The following MAP2K4 variants were observed in gnomAD, a reference collection of about 807,000 sequenced individuals.
The protein encoded by MAP2K4 is dual specificity mitogen-activated protein kinase kinase 4.
In MAP2K4, 4 loss-of-function variants were observed where a neutral mutation model predicts 48.5. The ratio of observed to expected loss-of-function variants is 0.08; its 90% confidence interval spans 0.04 to 0.19. The LOEUF (loss-of-function observed/expected upper bound fraction) is 0.19, where lower values mean the gene tolerates loss of function less well. MAP2K4 is among the 10% of genes least tolerant of loss of function. The pLI, the probability that MAP2K4 is intolerant of heterozygous loss-of-function variation, is 1.00. For synonymous variants in MAP2K4, 166 were observed against 173.1 expected, an observed-to-expected ratio of 0.96 and a Z score of 0.32; for missense variants, 258 against 493.3, an observed-to-expected ratio of 0.52 and a Z score of 4.52.
intron 7 of MAP2K4, among the ~76,000 whole-genome samples, chr17:12,119,345 C>A (rs2093354478): frequency 6.6e-6 from 1 of 152,126 alleles, no homozygotes; most frequent in African/African-American, 2.4e-5. Flanking sequence ...CGTGAACAGA[C>A]ACTTTTCAAA....
chr17:12,081,312 A>C lies in MAP2K4; in HGVS notation c.219-44A>C, dbSNP rs760685710. The C allele has an allele frequency of 3.3e-6, 5 of 1,511,380 alleles. No individual in the cohort carries two copies. In the East Asian group the frequency reaches 9.0e-5, roughly 27 times the overall value. The allele number at this position is 1,511,380 out of a possible 1,614,324, so 93.6% of individuals were successfully genotyped here. The stretch of plus-strand genomic sequence containing the variant: ...TCAGTACTAAAAGAAAAAAGTTAAA[A>C]CCTATTTAAAATGTGGAAAAATTGC... On this transcript the variant is annotated intron_variant, in intron 2 of 10. Transcript: ENST00000353533. This position sits in a 1 kb window ranked among gnomAD's most constrained non-coding sequence, Gnocchi z 4.2.
chr17:12,112,211 C>A (rs1391079996), intron 6 of MAP2K4, among the ~76,000 whole-genome samples: 2 of 152,220 alleles, frequency 1.3e-5, no homozygotes, highest in East Asian at 3.9e-4. Context: ...CACCTGTAAT[C>A]CCAGCACTTT....
chr17:12,063,201 C>T (rs373180879), intron 2 of MAP2K4, among the ~76,000 whole-genome samples: 2 of 152,116 alleles, frequency 1.3e-5, no homozygotes, highest in East Asian at 1.9e-4. Context: ...GGACTTAAAA[C>T]GACCTGATTT....
rs28990370 is a variant in MAP2K4, at chr17:12,138,447, ATATAT to A, written c.1041-1388_1041-1384del. ...TTAAGAAAATCATAAGGAAGAGAAA[ATATAT>A]TATTTATGAAGTGGAAGTGGATCAT... On this transcript the variant is annotated intron_variant, in intron 9 of 10. Transcript: ENST00000353533. Among the ~76,000 whole-genome samples the A allele has an allele frequency of 6.2e-3, 946 of 152,268 alleles. 2 individuals are homozygous for A. Among genetic ancestry groups the A allele is most frequent in the East Asian group, 0.036 (188 of 5,186 alleles).
intron 1 of MAP2K4, among the ~76,000 whole-genome samples, chr17:12,026,442 T>G (rs1969255051): frequency 6.6e-6 from 1 of 152,174 alleles, no homozygotes; most frequent in South Asian, 2.1e-4. Flanking sequence ...CCTGAGAAAC[T>G]TTAATTGAGG....
chr17:12,059,870 C>T (rs944377654), intron 2 of MAP2K4, among the ~76,000 whole-genome samples: 8 of 152,090 alleles, frequency 5.3e-5, no homozygotes, highest in Admixed American at 2.0e-4. Context: ...GTCTTATAAA[C>T]GTTGCTGTCT....
intron 2 of MAP2K4, among the ~76,000 whole-genome samples, chr17:12,055,376 T>A (rs1407860986): frequency 6.6e-6 from 1 of 152,104 alleles, no homozygotes; most frequent in African/African-American, 2.4e-5. Context: ...AGTGAAAATA[T>A]TAGAGCATCT....
chr17:12,112,027 A>G (rs1972323062), intron 6 of MAP2K4, among the ~76,000 whole-genome samples: 1 of 152,228 alleles, frequency 6.6e-6, no homozygotes, highest in Non-Finnish European at 1.5e-5. Context: ...CTCATTCACC[A>G]GAAGTGCCTC....
chr17:12,117,063 GT>G (rs1972525204), intron 7 of MAP2K4, among the ~76,000 whole-genome samples: 1 of 152,062 alleles, frequency 6.6e-6, no homozygotes. Flanking sequence ...CCAAAATGTT[GT>G]TTTGCAGCAC....
At chr17:12,097,374 T>G (rs909738597) in intron 4 of MAP2K4, among the ~76,000 whole-genome samples, 56 of 152,382 alleles carry the variant, frequency 3.7e-4, no homozygotes, top group African/African-American at 1.3e-3. Context: ...CATTTGTTCA[T>G]TTATTTAATC....
intron 9 of MAP2K4, among the ~76,000 whole-genome samples, chr17:12,130,827 A>G (rs566120600): frequency 6.6e-6 from 1 of 152,324 alleles, no homozygotes; most frequent in African/African-American, 2.4e-5. Context: ...CAGATTTCTC[A>G]TAATCCAATA....
At position 12,141,410 on chromosome 17, in the gene MAP2K4, G is replaced by A. The variant is rs1401809070; in HGVS notation, c.*150G>A. Reference sequence around the variant, plus strand: ...GTTTCCATCATGTCTGTATACTCCTGTCACCTAGAACGTGCATCCTTGTAA... The same window carrying A: ...GTTTCCATCATGTCTGTATACTCCTATCACCTAGAACGTGCATCCTTGTAA... On this transcript the variant is annotated 3_prime_UTR_variant, in exon 11 of 11. Transcript: ENST00000353533. 8 of 651,008 alleles carry A rather than the reference G, an allele frequency of 1.2e-5. No individual in the cohort carries two copies. The highest frequency in any genetic ancestry group is 2.2e-5 in the Non-Finnish European group (8 of 362,086). The allele number at this position is 651,008 out of a possible 1,614,324, so 40.3% of individuals were successfully genotyped here. A position where few individuals can be genotyped will look rare whatever the true frequency, so the allele number is the denominator to read the frequency against.
At chr17:12,136,174 G>T (rs1249514543) in intron 9 of MAP2K4, among the ~76,000 whole-genome samples, 1 of 151,952 alleles carries the variant, frequency 6.6e-6, no homozygotes, top group African/African-American at 2.4e-5. Context: ...AAAGTCAAGT[G>T]GAATATGTAG....
intron 2 of MAP2K4, among the ~76,000 whole-genome samples, chr17:12,056,464 T>C (rs1281710439): frequency 6.6e-6 from 1 of 152,122 alleles, no homozygotes; most frequent in Non-Finnish European, 1.5e-5. Flanking sequence ...TCTTAACTAA[T>C]GTTTTATAAT....
chr17:12,132,196 A>G (rs759574488), intron 9 of MAP2K4, among the ~76,000 whole-genome samples: 3 of 152,242 alleles, frequency 2.0e-5, no homozygotes, highest in Non-Finnish European at 2.9e-5. Context: ...CTGATCTAAT[A>G]TGGTTGATGT....
intron 7 of MAP2K4, among the ~76,000 whole-genome samples, chr17:12,123,478 A>C (rs1481909458): frequency 6.6e-6 from 1 of 152,030 alleles, no homozygotes; most frequent in Non-Finnish European, 1.5e-5. Flanking sequence ...TGATCTTTTC[A>C]AAGTACTGTT....
rs1373519940 is a variant in MAP2K4, at chr17:12,060,100, C to CCCTGGAGGTA, written c.218+5118_218+5119insACCTGGAGGT. 2.8e-3 allele frequency among the ~76,000 whole-genome samples: 427 copies of CCCTGGAGGTA among 151,900 alleles called. 1 individual carries two copies. The highest frequency in any genetic ancestry group is 9.6e-3 in the African/African-American group (399 of 41,410). On this transcript the variant is annotated intron_variant, in intron 2 of 10. Coordinates refer to ENST00000353533, the MANE Select transcript of MAP2K4 (RefSeq NM_003010.4). ...GGCTGAGGTAGAAGGGTCAGTTGAG[C>CCCTGGAGGTA]CCTGGAGGTTGAGGCTACAGTGTAC...
intron 5 of MAP2K4, 29 bp downstream of exon 5, chr17:12,107,938 T>G (rs1258479599): frequency 1.3e-6 from 2 of 1,571,440 alleles, no homozygotes; most frequent in African/African-American, 1.4e-5. Flanking sequence ...AATTATTCAT[T>G]GTGTATATAG....
chr17:12,030,289 G>A (rs1170734393), intron 1 of MAP2K4, among the ~76,000 whole-genome samples: 1 of 152,158 alleles, frequency 6.6e-6, no homozygotes, highest in Non-Finnish European at 1.5e-5. Flanking sequence ...AGTTAATTTA[G>A]ACCTTGCTTG....
Sources: allele counts gnomAD v4.1 joint callset (sites outside exome capture counted in the v4.1 genomes callset), GRCh38; gene constraint gnomAD v4.1.1; non-coding constraint Gnocchi (gnomAD v3.1); transcripts MANE v1.5; gene names NCBI Gene and HGNC (gene_info 2026-07-23, HGNC 2026-07-21).